Variants in YAP1 observed in about 807,000 individuals in gnomAD.
YAP1 encodes transcriptional coactivator YAP1.
Under a neutral mutation model 56.9 loss-of-function variants are expected in YAP1, and 5 were observed. The ratio of observed to expected loss-of-function variants is 0.09; its 90% CI spans 0.05 to 0.18. The LOEUF (loss-of-function observed/expected upper bound fraction) is 0.18. YAP1 is among the 10% of genes least tolerant of loss of function. The pLI is 1.00. For synonymous variants in YAP1, 265 were observed against 248.1 expected (o/e 1.07, Z -0.64); for missense variants, 539 against 651.8 (o/e 0.83, Z 1.88).
At chr11:102,132,265 G>A (rs900504016) in intron 2 of YAP1, among the ~76,000 whole-genome samples, 7 of 152,250 alleles carry the variant, frequency 4.6e-5, no homozygotes, top group Non-Finnish European at 7.3e-5. Context: ...TGTGGACATT[G>A]GAGGAGTCAA....
chr11:102,115,588 TTTC>T (rs1439544576), intron 2 of YAP1, among the ~76,000 whole-genome samples: 2 of 143,386 alleles, frequency 1.4e-5, no homozygotes, highest in African/African-American at 5.0e-5. Flanking sequence ...AACTTTTTCT[TTTC>T]TTTTCTTCTT....
chr11:102,192,073 A>G (rs1344784415), intron 4 of YAP1, among the ~76,000 whole-genome samples: 8 of 152,228 alleles, frequency 5.3e-5, no homozygotes. Context: ...CACCGATCTC[A>G]GCTTTGACCT....
chr11:102,148,488 CG>C (rs1055467957), intron 2 of YAP1, among the ~76,000 whole-genome samples: 2 of 152,092 alleles, frequency 1.3e-5, no homozygotes, highest in African/African-American at 4.8e-5. Context: ...CAATAAATCC[CG>C]TGTACTTAAC....
chr11:102,213,150 C>T lies in YAP1; in HGVS notation c.1032+3586C>T, dbSNP rs534382917. Among the ~76,000 whole-genome samples, 123 of 152,200 alleles carry T rather than the reference C, an allele frequency of 8.1e-4. 1 individual carries two copies. The Middle Eastern group carries it at 0.017, about 21-fold the overall frequency. Reference sequence around the variant, plus strand: ...AAGAACTTTGAGGAAAGATAGTCCCCCCTGAGGTGCGAACACTTCTACCTT... The same window carrying T: ...AAGAACTTTGAGGAAAGATAGTCCCTCCTGAGGTGCGAACACTTCTACCTT... On this transcript the variant is annotated intron_variant, in intron 6 of 8. Coordinates refer to ENST00000282441, the MANE Select transcript of YAP1 (RefSeq NM_001130145.3).
At chr11:102,186,160 A>G (rs1947934178) in intron 4 of YAP1, 29 bp downstream of exon 4, 1 of 1,605,566 alleles carries the variant, frequency 6.2e-7, no homozygotes, top group Non-Finnish European at 8.5e-7. Flanking sequence ...ACCTTTTTAG[A>G]TGCTTTTGGT....
intron 7 of YAP1, chr11:102,227,189 A>C: frequency 3.2e-6 from 1 of 307,876 alleles, no homozygotes; most frequent in Non-Finnish European, 6.0e-6. Context: ...AACTGGGGGT[A>C]TCTTTTTTTG....
intron 3 of YAP1, among the ~76,000 whole-genome samples, chr11:102,169,447 A>G (rs2135429825): frequency 6.6e-6 from 1 of 152,180 alleles, no homozygotes; most frequent in African/African-American, 2.4e-5. Flanking sequence ...AAAGTTCTGG[A>G]TTATTATAAG....
chr11:102,119,413 A>G (rs1943512544), intron 2 of YAP1, among the ~76,000 whole-genome samples: 2 of 152,162 alleles, frequency 1.3e-5, no homozygotes, highest in Admixed American at 1.3e-4. Flanking sequence ...CATCATTCAA[A>G]GAACAGACTG....
At chr11:102,116,046 C>T (rs953753234) in intron 2 of YAP1, among the ~76,000 whole-genome samples, 1 of 152,130 alleles carries the variant, frequency 6.6e-6, no homozygotes. Context: ...TACCTGCCTA[C>T]GATTTCATTA....
intron 8 of YAP1, among the ~76,000 whole-genome samples, chr11:102,228,799 A>G (rs772161849): frequency 3.9e-5 from 6 of 152,094 alleles, no homozygotes; most frequent in Non-Finnish European, 8.8e-5. Context: ...TTGGCAGGGA[A>G]ATGAAGCTGT....
intron 2 of YAP1, among the ~76,000 whole-genome samples, chr11:102,135,915 T>G (rs1944650313): frequency 6.6e-6 from 1 of 152,254 alleles, no homozygotes; most frequent in African/African-American, 2.4e-5. Context: ...TTCATAGCTG[T>G]GTGGCTCTAT....
At chr11:102,193,532 G>A (rs555509742) in intron 4 of YAP1, among the ~76,000 whole-genome samples, 127 of 152,156 alleles carry the variant, frequency 8.3e-4, no homozygotes, top group Non-Finnish European at 1.6e-3. Flanking sequence ...GTTATGGTAA[G>A]CAATCTCTCC....
intron 2 of YAP1, among the ~76,000 whole-genome samples, chr11:102,128,412 C>G (rs377099590): frequency 6.6e-6 from 1 of 152,178 alleles, no homozygotes; most frequent in African/African-American, 2.4e-5. Context: ...TTCCTCATTT[C>G]TCTCTTGCCA....
At chr11:102,176,769 AAAAAAAAG>A (rs1947281831) in intron 3 of YAP1, among the ~76,000 whole-genome samples, 2 of 147,156 alleles carry the variant, frequency 1.4e-5, no homozygotes, top group Non-Finnish European at 3.0e-5. Context: ...AAAAAAAAAA[AAAAAAAAG>A]AGTAGAATTT....
chr11:102,204,633 T>C (rs997146839), intron 4 of YAP1, among the ~76,000 whole-genome samples: 6 of 152,222 alleles, frequency 3.9e-5, no homozygotes, highest in African/African-American at 1.2e-4. Flanking sequence ...CAGTCTGTTA[T>C]AATGGGACAC....
At chr11:102,216,094 C>T (rs1242938337) in intron 6 of YAP1, among the ~76,000 whole-genome samples, 2 of 152,134 alleles carry the variant, frequency 1.3e-5, no homozygotes, top group South Asian at 2.1e-4. Context: ...CCATGCTTTA[C>T]CTAGTCAGAT....
At chr11:102,195,591 C>G (rs749302289) in intron 4 of YAP1, among the ~76,000 whole-genome samples, 13 of 152,114 alleles carry the variant, frequency 8.5e-5, no homozygotes, top group Non-Finnish European at 1.6e-4. Context: ...CCATCCTGTT[C>G]TCAGATAGTG....
intron 2 of YAP1, among the ~76,000 whole-genome samples, chr11:102,124,837 G>T (rs147523080): frequency 1.3e-5 from 2 of 152,120 alleles, no homozygotes; most frequent in Non-Finnish European, 2.9e-5. Context: ...TGGAGCTCAA[G>T]CGATCCTCCC....
chr11:102,130,587 G>GAGATGGAGT (rs1944317129), intron 2 of YAP1, among the ~76,000 whole-genome samples: 1 of 151,788 alleles, frequency 6.6e-6, no homozygotes, highest in Admixed American at 6.6e-5. Flanking sequence ...GTCTTTAGTA[G>GAGATGGAGT]AGATGGAGTC....
Sources: gnomAD v4.1 joint callset for allele counts (sites outside exome capture counted in the v4.1 genomes callset) on GRCh38, gnomAD v4.1.1 for gene constraint, MANE v1.5 for transcripts, NCBI Gene and HGNC (gene_info 2026-07-23, HGNC 2026-07-21) for gene names.